Variants in FBXW7 observed in about 807,000 individuals in gnomAD.
FBXW7 encodes F-box and WD repeat domain containing 7, also known as F-box/WD repeat-containing protein 7.
In FBXW7, 11 loss-of-function variants were observed where a neutral mutation model predicts 86.3. The ratio of observed to expected loss-of-function variants is 0.13; its 90% CI spans 0.08 to 0.21. FBXW7 has a LOEUF of 0.21. Among genes scored for constraint, FBXW7 ranks in the 10% least tolerant of loss-of-function variants. The pLI is 1.00. For missense variants in FBXW7, 488 were observed against 847.4 expected (o/e 0.58, Z 5.27); for synonymous variants, 313 against 297.9 (o/e 1.05, Z -0.52).
chr4:152,418,919 G>C (rs1482908044), intron 2 of FBXW7, among the ~76,000 whole-genome samples: 2 of 152,084 alleles, frequency 1.3e-5, no homozygotes, highest in Non-Finnish European at 2.9e-5. Context: ...TTACATTAAA[G>C]AGGTAAATTC....
chr4:152,368,093 G>A (rs1030564954), intron 4 of FBXW7, among the ~76,000 whole-genome samples: 5 of 151,846 alleles, frequency 3.3e-5, no homozygotes, highest in Non-Finnish European at 4.4e-5. Context: ...GATTTTTAAC[G>A]CACTCTGTTA....
intron 4 of FBXW7, among the ~76,000 whole-genome samples, chr4:152,408,376 A>G (rs1344238698): frequency 6.6e-6 from 1 of 152,238 alleles, no homozygotes; most frequent in Non-Finnish European, 1.5e-5. Context: ...GATGTTGAGA[A>G]TGAGAGTTAA....
chr4:152,453,158 T>C (rs899840047), intron 2 of FBXW7, among the ~76,000 whole-genome samples: 3 of 152,212 alleles, frequency 2.0e-5, no homozygotes, highest in East Asian at 3.8e-4. Flanking sequence ...CACTCCAGCC[T>C]GGGCAACAGA....
chr4:152,341,530 C>T (rs1730738736), intron 6 of FBXW7, among the ~76,000 whole-genome samples: 1 of 152,102 alleles, frequency 6.6e-6, no homozygotes, highest in South Asian at 2.1e-4. Context: ...CATACCACAC[C>T]CAAGTAGGGC....
At chr4:152,362,043 T>C (rs1319908783) in intron 4 of FBXW7, among the ~76,000 whole-genome samples, 1 of 150,938 alleles carries the variant, frequency 6.6e-6, no homozygotes, top group Non-Finnish European at 1.5e-5. Flanking sequence ...ATTTAATACA[T>C]GATTCTAAAA....
At chr4:152,329,304 C>G (rs998901698) in intron 10 of FBXW7, among the ~76,000 whole-genome samples, 2 of 151,694 alleles carry the variant, frequency 1.3e-5, no homozygotes, top group South Asian at 4.2e-4. Flanking sequence ...AATAAATATC[C>G]CTCAACCATA....
rs1344238205 is a variant in FBXW7 at position 152,323,160 on chromosome 4, A to C, written c.1856-11T>G. 1 of 1,608,714 alleles carries C rather than the reference A, an allele frequency of 6.2e-7. No individual in the cohort carries two copies. Among genetic ancestry groups the C allele is most frequent in the South Asian group, 1.1e-5 (1 of 90,930 alleles). ...GATGCTTGTTGGGACCTAGACAAAA[A>C]CCAAAAGAATTTAATTACTGGTTAG... On this transcript the variant is annotated splice_polypyrimidine_tract_variant and intron_variant, in intron 13 of 13. Coordinates refer to ENST00000281708, the MANE Select transcript of FBXW7 (RefSeq NM_001349798.2).
intron 4 of FBXW7, among the ~76,000 whole-genome samples, chr4:152,404,425 C>T (rs574893337): frequency 6.6e-6 from 1 of 152,280 alleles, no homozygotes; most frequent in African/African-American, 2.4e-5. Context: ...ACATTTGGTA[C>T]AACTTCTTCT....
chr4:152,329,524 G>T, intron 10 of FBXW7, 148 bp downstream of exon 10: 1 of 429,868 alleles, frequency 2.3e-6, no homozygotes, highest in Non-Finnish European at 4.1e-6. Flanking sequence ...CATAAATATG[G>T]GGAAAAAAGC....
intron 2 of FBXW7, among the ~76,000 whole-genome samples, chr4:152,511,234 G>A (rs552701492): frequency 6.6e-6 from 1 of 152,018 alleles, no homozygotes; most frequent in Non-Finnish European, 1.5e-5. Context: ...ATAACAGGAA[G>A]GATAGCAGCT....
intron 4 of FBXW7, among the ~76,000 whole-genome samples, chr4:152,408,093 GA>G (rs1378674285): frequency 6.6e-6 from 1 of 152,040 alleles, no homozygotes; most frequent in Admixed American, 6.6e-5. Flanking sequence ...ATCAAGATGG[GA>G]AAAAAATAGA....
chr4:152,414,992 T>C (rs1267519835), intron 2 of FBXW7, among the ~76,000 whole-genome samples: 1 of 152,168 alleles, frequency 6.6e-6, no homozygotes, highest in Non-Finnish European at 1.5e-5. Flanking sequence ...GGGTGTATTT[T>C]AGACAACTTT....
rs1375472311 is a variant in FBXW7, at chr4:152,535,881, TGAGGGGG to T, written c.-974_-968del. On this transcript the variant is annotated 5_prime_UTR_variant, in exon 1 of 14. Transcript: ENST00000281708. ...CAGCCGCCGCTGCCGGCCGGGAAGGTGAGGGGGGGAAAGGAGTGCGGCCGCGGCTCCC... is the reference window on the plus strand; with the variant it reads ...CAGCCGCCGCTGCCGGCCGGGAAGGTGGAAAGGAGTGCGGCCGCGGCTCCC... The T allele has an allele frequency of 1.1e-5, 4 of 372,974 alleles. No individual in the cohort carries two copies. In the East Asian group the frequency reaches 1.5e-4, roughly 14 times the overall value. The allele number at this position is 372,974 out of a possible 1,614,324, so 23.1% of individuals were successfully genotyped here.
chr4:152,491,892 GTTTAT>G (rs1427336482), intron 2 of FBXW7, among the ~76,000 whole-genome samples: 5 of 152,094 alleles, frequency 3.3e-5, no homozygotes, highest in East Asian at 1.9e-4. Context: ...GATAAAACTT[GTTTAT>G]TTTATCTAAG....
intron 2 of FBXW7, among the ~76,000 whole-genome samples, chr4:152,452,132 T>C (rs1385713021): frequency 6.6e-6 from 1 of 152,212 alleles, no homozygotes; most frequent in Non-Finnish European, 1.5e-5. Flanking sequence ...CCAGACTTTG[T>C]TAATTGTGTA....
intron 11 of FBXW7, among the ~76,000 whole-genome samples, chr4:152,326,914 T>C (rs1262484137): frequency 1.3e-5 from 2 of 152,102 alleles, no homozygotes; most frequent in African/African-American, 4.8e-5. Flanking sequence ...GCTATAAAAA[T>C]ATTAAGAGAT....
At chr4:152,352,723 A>T (rs2126664532) in intron 4 of FBXW7, 1 of 1,613,746 alleles carries the variant, frequency 6.2e-7, no homozygotes, top group Admixed American at 1.7e-5. Flanking sequence ...GCTTCTCGGG[A>T]CACACATACA....
At chr4:152,444,059 CTTCTCTACAAACAT>C (rs1741144935) in intron 2 of FBXW7, among the ~76,000 whole-genome samples, 1 of 152,106 alleles carries the variant, frequency 6.6e-6, no homozygotes, top group Non-Finnish European at 1.5e-5. Context: ...CAAACATGTG[CTTCTCTACAAACAT>C]GTGCTTTAAA....
intron 4 of FBXW7, among the ~76,000 whole-genome samples, chr4:152,384,075 C>T (rs781315071): frequency 1.3e-5 from 2 of 152,026 alleles, no homozygotes; most frequent in African/African-American, 4.8e-5. Flanking sequence ...GCATCCTTGG[C>T]GGCAATGTGA....
Sources: allele counts gnomAD v4.1 joint callset (sites outside exome capture counted in the v4.1 genomes callset), GRCh38; gene constraint gnomAD v4.1.1; transcripts MANE v1.5; gene names NCBI Gene and HGNC (gene_info 2026-07-23, HGNC 2026-07-21).